The following PLXNA4 variants were observed in gnomAD, a reference collection of about 807,000 sequenced individuals.
PLXNA4 encodes plexin-A4.
PLXNA4 carries 44 observed loss-of-function variants against 191.8 expected under a neutral mutation model. The ratio of observed to expected loss-of-function variants is 0.23; its 90% CI spans 0.18 to 0.29. The LOEUF (loss-of-function observed/expected upper bound fraction) is 0.29, where lower values mean the gene tolerates loss of function less well. Ranked by LOEUF, PLXNA4 falls within the 10% of genes least tolerant of loss-of-function variation. PLXNA4 has a pLI of 1.00. For synonymous variants in PLXNA4, 1,082 were observed against 1,009.5 expected (o/e 1.07, Z -1.36); for missense variants, 1,800 against 2,488.8 (o/e 0.72, Z 5.89).
At chr7:132,268,358 T>C (rs1325370750) in intron 4 of PLXNA4, among the ~76,000 whole-genome samples, 1 of 152,236 alleles carries the variant, frequency 6.6e-6, no homozygotes, top group Non-Finnish European at 1.5e-5. Flanking sequence ...GGAAATACCA[T>C]GCATGACAGT....
chr7:132,499,960 TA>T (rs936513832), intron 2 of PLXNA4, among the ~76,000 whole-genome samples: 1 of 152,172 alleles, frequency 6.6e-6, no homozygotes, highest in African/African-American at 2.4e-5. Flanking sequence ...GGAAAACATG[TA>T]AATTGAGAGG....
intron 31 of PLXNA4, among the ~76,000 whole-genome samples, chr7:132,131,325 A>T (rs545838016): frequency 1.1e-4 from 16 of 152,058 alleles, no homozygotes; most frequent in Non-Finnish European, 2.2e-4. Context: ...GAGGCCAAAC[A>T]GGTAACCTGT....
intron 2 of PLXNA4, among the ~76,000 whole-genome samples, chr7:132,602,755 A>G (rs1012200037): frequency 6.6e-6 from 1 of 152,228 alleles, no homozygotes; most frequent in Non-Finnish European, 1.5e-5. Context: ...AGAATCAGCC[A>G]TTGATACAGA....
intron 12 of PLXNA4, among the ~76,000 whole-genome samples, chr7:132,199,741 G>A (rs912306464): frequency 1.3e-5 from 2 of 152,240 alleles, no homozygotes; most frequent in African/African-American, 4.8e-5. Flanking sequence ...GATGGGGGAA[G>A]CAGAAGGAAC....
intron 3 of PLXNA4, among the ~76,000 whole-genome samples, chr7:132,414,991 C>A (rs1794609970): frequency 6.6e-6 from 1 of 152,188 alleles, no homozygotes; most frequent in Admixed American, 6.5e-5. Flanking sequence ...CTACACAGGC[C>A]CCTACCCTTT....
intron 2 of PLXNA4, among the ~76,000 whole-genome samples, chr7:132,584,415 A>G (rs1301448892): frequency 6.6e-6 from 1 of 152,168 alleles, no homozygotes; most frequent in African/African-American, 2.4e-5. Context: ...ATCTGGTAAC[A>G]CCTGTCATTT....
At chr7:132,513,994 A>G (rs1263579962) in intron 1 of PLXNA4, among the ~76,000 whole-genome samples, 2 of 149,734 alleles carry the variant, frequency 1.3e-5, no homozygotes, top group East Asian at 4.1e-4. Flanking sequence ...TTCTTAATGA[A>G]ATAAAATAGA....
intron 3 of PLXNA4, among the ~76,000 whole-genome samples, chr7:132,362,286 C>T (rs1803977041): frequency 6.6e-6 from 1 of 152,220 alleles, no homozygotes; most frequent in African/African-American, 2.4e-5. Context: ...AGAGCTGCTA[C>T]AATCTCAGAG....
chr7:132,508,629 G>A lies in PLXNA4; in HGVS notation c.65C>T (p.Ser22Phe), dbSNP rs772223237. 7.5e-6 allele frequency: 12 copies of A among 1,606,074 alleles called. No individual in the cohort carries two copies. The highest frequency in any genetic ancestry group is 9.4e-6 in the Non-Finnish European group (11 of 1,175,758). Residue 22 changes from serine (S) to phenylalanine (F), a missense_variant, in exon 2 of 32, where the codon TCC becomes TTC. Ser to Phe is a radical substitution (Grantham distance 155). Around this residue, in one of 6 missense-constraint regions of PLXNA4, gnomAD observed 1,397 missense variants for 1,880.4 expected, o/e 0.74. Transcript: ENST00000321063. This position sits in a 1 kb window ranked among gnomAD's most constrained non-coding sequence, Gnocchi z 4.4. ...TGGCTGCCGGGTGAGCAAAGTGGAG[G>A]AGCCCATGCCCACCATGAGGAGGTG... is the stretch of plus-strand genomic sequence containing the variant. ...LSHLLMVGMG[S>F]STLLTRQPAP...
In PLXNA4 at chr7:132,133,132, G is replaced by T. The variant is rs1795017403; in HGVS notation, c.5506C>A (p.Gln1836Lys). Reference protein sequence around the residue: ...DQDMNAYLAEQSRMHMNEFNT... With the variant: ...DQDMNAYLAEKSRMHMNEFNT... Reference sequence around the variant, plus strand: ...AACTCATTCATGTGCATCCGGGACTGCTCAGCCAGGTATGCGTTCATGTCT... The same window carrying T: ...AACTCATTCATGTGCATCCGGGACTTCTCAGCCAGGTATGCGTTCATGTCT... The change falls in exon 31 of 32, where the codon CAG becomes AAG. Residue 1836 changes from glutamine (Q) to lysine (K), a missense_variant. Gln to Lys is a moderately conservative substitution (Grantham distance 53). Transcript: ENST00000321063. 1 of 1,614,074 alleles carries T rather than the reference G, an allele frequency of 6.2e-7. No homozygotes were observed. The highest frequency in any genetic ancestry group is 1.7e-5 in the Admixed American group (1 of 60,004).
At position 132,575,025 on chromosome 7, in the gene PLXNA4, T is replaced by C. The variant is rs576022453; in HGVS notation, c.-87+1397A>G. ...AAGCTTATTCAGTTTTGTGGGAAAA[T>C]GATATGATCATGTTGCCTAGAAAGC... On this transcript the variant is annotated intron_variant, in intron 1 of 31. Coordinates refer to ENST00000321063, the MANE Select transcript of PLXNA4 (RefSeq NM_020911.2). Among the ~76,000 whole-genome samples the C allele has an allele frequency of 2.9e-3, 437 of 152,256 alleles. 6 individuals carry two copies. In the South Asian group the frequency reaches 0.031, roughly 11 times the overall value.
Position 132,202,628 on chromosome 7 carries a change from G to A in PLXNA4, c.2586+18C>T. ...TGGAGCCTGCCCATTTGGAGCAGGA[G>A]GCCCGACCCCGGCTTACCTCTGTGA... is the stretch of plus-strand genomic sequence containing the variant. On this transcript the variant is annotated intron_variant, in intron 12 of 31. Transcript: ENST00000321063. 2.1e-6 allele frequency: 3 copies of A among 1,452,382 alleles called. No individual in the cohort carries two copies. The highest frequency in any genetic ancestry group is 2.4e-5 in the Admixed American group (1 of 42,236). 90.0% of individuals were successfully genotyped at this position (1,452,382 alleles called of 1,614,324 possible). A position where few individuals can be genotyped will look rare whatever the true frequency, so the allele number is the denominator to read the frequency against.
intron 1 of PLXNA4, among the ~76,000 whole-genome samples, chr7:132,540,569 CTTTTTT>C (rs71915138): frequency 3.3e-5 from 2 of 60,976 alleles, no homozygotes; most frequent in East Asian, 6.8e-4. Flanking sequence ...GTGGACCGTT[CTTTTTT>C]TTTTTTTTTT....
intron 4 of PLXNA4, among the ~76,000 whole-genome samples, chr7:132,255,204 TAGTC>T (rs1799392326): frequency 6.6e-6 from 1 of 152,144 alleles, no homozygotes; most frequent in Non-Finnish European, 1.5e-5. Flanking sequence ...AACTGAATGT[TAGTC>T]AGGAGTCTGT....
At chr7:132,300,742 G>T (rs1378739193) in intron 3 of PLXNA4, among the ~76,000 whole-genome samples, 1 of 152,248 alleles carries the variant, frequency 6.6e-6, no homozygotes, top group Non-Finnish European at 1.5e-5. Context: ...CCAGCTGGGA[G>T]GTGCCCCTGG....
chr7:132,303,547 C>T lies in PLXNA4; in HGVS notation c.1372-5325G>A, dbSNP rs549093820. ...TGGTGCTACTGCACTCCAGCCTGGG[C>T]GACAGAGCAAGACTCCGTCTCAAAA... On this transcript the variant is annotated intron_variant, in intron 3 of 31. Transcript: ENST00000321063. 4.6e-5 allele frequency among the ~76,000 whole-genome samples: 7 copies of T among 152,066 alleles called. No homozygotes were observed. In the East Asian group the frequency reaches 7.8e-4, roughly 17 times the overall value.
chr7:132,447,657 C>T (rs1303241229), intron 3 of PLXNA4, among the ~76,000 whole-genome samples: 1 of 152,118 alleles, frequency 6.6e-6, no homozygotes, highest in Non-Finnish European at 1.5e-5. Flanking sequence ...GTCCACACCA[C>T]ACAGCACATC....
At position 132,508,911 on chromosome 7, in the gene PLXNA4, G is replaced by T; in HGVS notation, c.-86-132C>A. 2 of 924,196 alleles carry T rather than the reference G, an allele frequency of 2.2e-6. No homozygotes were observed. The highest frequency in any genetic ancestry group is 3.5e-4 in the Middle Eastern group (1 of 2,844). The allele number at this position is 924,196 out of a possible 1,614,324, so 57.2% of individuals were successfully genotyped here. A position where few individuals can be genotyped will look rare whatever the true frequency, so the allele number is the denominator to read the frequency against. ...ACTGCACTGGGGGGTGCTGGAGGCT[G>T]ACTGAGTCAACCCCCACCACGGGCA... On this transcript the variant is annotated intron_variant, in intron 1 of 31. Coordinates refer to ENST00000321063, the MANE Select transcript of PLXNA4 (RefSeq NM_020911.2). This position sits in a 1 kb window ranked among gnomAD's most constrained non-coding sequence, Gnocchi z 4.4.
chr7:132,169,594 G>A (rs1310857218), intron 21 of PLXNA4, among the ~76,000 whole-genome samples: 1 of 152,186 alleles, frequency 6.6e-6, no homozygotes, highest in African/African-American at 2.4e-5. Flanking sequence ...ATGCTAAAGA[G>A]GGCATAGTCT....
Sources: gnomAD v4.1 joint callset for allele counts (sites outside exome capture counted in the v4.1 genomes callset) on GRCh38, gnomAD v4.1.1 for gene constraint, gnomAD v4.1.1 regional missense constraint, Gnocchi (gnomAD v3.1) non-coding constraint, MANE v1.5 for transcripts, NCBI Gene and HGNC (gene_info 2026-07-23, HGNC 2026-07-21) for gene names.